The following ATRX variants were observed in gnomAD, a reference collection of about 807,000 sequenced individuals.
ATRX encodes chromatin remodeler ATRX.
A neutral mutation model predicts 172.6 loss-of-function variants in ATRX; 12 were observed. The ratio of observed to expected loss-of-function variants is 0.07; its 90% CI spans 0.04 to 0.11. ATRX has a LOEUF of 0.11. Ranked by LOEUF, ATRX falls within the 10% of genes least tolerant of loss-of-function variation. The pLI is 1.00. For synonymous variants in ATRX, 674 were observed against 594.7 expected (o/e 1.13, Z -1.94); for missense variants, 1,368 against 1,767.4 (o/e 0.77, Z 4.05).
chrX:77,652,729 C>A (rs782646255), intron 14 of ATRX, among the ~76,000 whole-genome samples: 1 of 107,564 alleles, frequency 9.3e-6, no homozygotes, highest in Admixed American at 9.9e-5. Context: ...ATGGTGTGAA[C>A]CCAGGAGGCG....
chrX:77,675,419 T>C (rs1206135142), intron 10 of ATRX: 15 of 111,920 alleles, frequency 1.3e-4, no homozygotes, highest in African/African-American at 4.9e-4. Flanking sequence ...TATTCCAAAA[T>C]TCCATGCACT....
chrX:77,657,661 T>C (rs1230194955), intron 12 of ATRX, among the ~76,000 whole-genome samples: 1 of 111,591 alleles, frequency 9.0e-6, no homozygotes, highest in Non-Finnish European at 1.9e-5. Context: ...TTACAATTAC[T>C]AAATGTGGAA....
At chrX:77,639,985 C>T (rs1014233972) in intron 15 of ATRX, among the ~76,000 whole-genome samples, 3 of 112,156 alleles carry the variant, frequency 2.7e-5, no homozygotes, top group African/African-American at 9.7e-5. Context: ...ATATACACCA[C>T]GGAATACTAT....
At chrX:77,754,510 G>A (rs782689450) in intron 1 of ATRX, among the ~76,000 whole-genome samples, 16 of 111,646 alleles carry the variant, frequency 1.4e-4, no homozygotes, top group Admixed American at 1.1e-3. Context: ...TGCTTCCTTC[G>A]GGAGCTCTTA....
intron 34 of ATRX, among the ~76,000 whole-genome samples, chrX:77,512,880 T>C (rs2062918543): frequency 9.3e-6 from 1 of 107,813 alleles, no homozygotes; most frequent in Non-Finnish European, 1.9e-5. Context: ...AAAAAAATAA[T>C]AATAAAAGAA....
chrX:77,700,477 C>T (rs1046280097), intron 2 of ATRX, among the ~76,000 whole-genome samples: 6 of 112,188 alleles, frequency 5.3e-5, no homozygotes, highest in Non-Finnish European at 1.1e-4. Context: ...CAATCACACT[C>T]CTTGGTATTT....
intron 30 of ATRX, among the ~76,000 whole-genome samples, chrX:77,530,858 ATAGT>A (rs782352203): frequency 1.4e-4 from 16 of 111,958 alleles, no homozygotes; most frequent in African/African-American, 4.2e-4. Flanking sequence ...AATTAATAAA[ATAGT>A]TAGACCGCTA....
chrX:77,760,929 T>C (rs2075694635), intron 1 of ATRX, among the ~76,000 whole-genome samples: 2 of 109,256 alleles, frequency 1.8e-5, no homozygotes. Flanking sequence ...ATCTTTCTGT[T>C]GTTCATGTAT....
intron 1 of ATRX, among the ~76,000 whole-genome samples, chrX:77,732,581 G>A (rs995021422): frequency 1.8e-5 from 2 of 111,703 alleles, no homozygotes; most frequent in Admixed American, 9.6e-5. Context: ...ATCATTCATC[G>A]TAACCAGGTG....
chrX:77,779,147 G>T (rs1194775458), intron 1 of ATRX, among the ~76,000 whole-genome samples: 1 of 74,040 alleles, frequency 1.4e-5, no homozygotes, highest in African/African-American at 5.5e-5. Context: ...TTTTCACCAT[G>T]TTAGCCAGGA....
chrX:77,681,305 C>G (rs1053969569), intron 9 of ATRX, among the ~76,000 whole-genome samples: 1 of 111,711 alleles, frequency 9.0e-6, no homozygotes, highest in African/African-American at 3.2e-5. Context: ...AATTTGAGAT[C>G]CCTGATACTG....
intron 2 of ATRX, among the ~76,000 whole-genome samples, chrX:77,716,110 A>ATTTT (rs199639051): frequency 0.02 from 1,104 of 54,193 alleles, 86 homozygotes; most frequent in African/African-American, 0.046. Context: ...GTCTCTAAAA[A>ATTTT]TTTTTTTTTT....
At chrX:77,564,049 G>A (rs782630518) in intron 28 of ATRX, among the ~76,000 whole-genome samples, 2 of 111,241 alleles carry the variant, frequency 1.8e-5, no homozygotes, top group African/African-American at 3.3e-5. Context: ...CCCTCAATGG[G>A]TAGGATGATG....
chrX:77,590,254 C>A (rs2066186217), intron 26 of ATRX, among the ~76,000 whole-genome samples: 1 of 110,690 alleles, frequency 9.0e-6, no homozygotes, highest in Admixed American at 9.6e-5. Context: ...AGATAGAGAG[C>A]CACATAGGAT....
Position 77,683,827 on chromosome X carries a change from T to C in ATRX, c.1429A>G (p.Asn477Asp). ...GTTCTTTGTTCCTCTGTTGGAACAT[T>C]CTGATGCATGTGCTCACTATCTACC... is the stretch of plus-strand genomic sequence containing the variant. ...KQVDSEHMHQ[N>D]VPTEEQRTNK... The change falls in exon 9 of 35, where the codon AAT (asparagine) becomes GAT (aspartate). Residue 477 changes from asparagine to aspartate, a missense_variant. By Grantham distance (23) the Asn-to-Asp change is conservative (BLOSUM62 1). Around this residue, in one of 17 missense-constraint regions of ATRX, gnomAD observed 843 missense variants for 643.1 expected, o/e 1.31. Coordinates refer to ENST00000373344, the MANE Select transcript of ATRX (RefSeq NM_000489.6). The C allele has an allele frequency of 1.7e-6, 2 of 1,209,791 alleles. No homozygotes were observed. Among genetic ancestry groups the C allele is most frequent in the Middle Eastern group, 2.3e-4 (1 of 4,346 alleles).
At chrX:77,710,268 T>C (rs536237959) in intron 2 of ATRX, among the ~76,000 whole-genome samples, 59 of 105,023 alleles carry the variant, frequency 5.6e-4, no homozygotes, top group South Asian at 3.5e-3. Flanking sequence ...CACTGCCCTC[T>C]AGCCTGGGTG....
chrX:77,725,363 A>C (rs1442920809), intron 1 of ATRX, among the ~76,000 whole-genome samples: 4 of 111,968 alleles, frequency 3.6e-5, no homozygotes, highest in Non-Finnish European at 7.5e-5. Flanking sequence ...CAAAAACAAA[A>C]AATGGGGAAA....
At chrX:77,697,772 G>A in intron 3 of ATRX, 137 bp from the exon 4 acceptor site, 2 of 478,346 alleles carry the variant, frequency 4.2e-6, no homozygotes, top group Non-Finnish European at 6.7e-6. Context: ...TTTTCTAAAA[G>A]GAACTTCAAA....
At chrX:77,531,558 A>C (rs782808051) in intron 30 of ATRX, among the ~76,000 whole-genome samples, 12 of 112,416 alleles carry the variant, frequency 1.1e-4, no homozygotes, top group Non-Finnish European at 2.3e-4. Context: ...GATGCAAAAA[A>C]CATCTTCAAT....
Sources: allele counts gnomAD v4.1 joint callset (sites outside exome capture counted in the v4.1 genomes callset), GRCh38; gene constraint gnomAD v4.1.1; regional missense constraint gnomAD v4.1.1; transcripts MANE v1.5; gene names NCBI Gene and HGNC (gene_info 2026-07-23, HGNC 2026-07-21).